The following GPHN variants were observed in gnomAD, a reference collection of about 807,000 sequenced individuals.
GPHN encodes gephyrin.
In GPHN, 17 loss-of-function variants were observed where a neutral mutation model predicts 95.5. The observed-to-expected ratio is 0.18, with a 90% CI of 0.12 to 0.27. GPHN has a LOEUF of 0.27. Among genes scored for constraint, GPHN ranks in the 10% least tolerant of loss-of-function variants. The pLI is 1.00. For missense variants in GPHN, 660 were observed against 978.1 expected (o/e 0.67, Z 4.34); for synonymous variants, 320 against 322.5 (o/e 0.99, Z 0.08).
chr14:67,022,568 GGT>G (rs72312422), intron 9 of GPHN, among the ~76,000 whole-genome samples: 886 of 20,844 alleles, frequency 0.043, 18 homozygotes, highest in African/African-American at 0.091. Flanking sequence ...TTTTTTTTTT[GGT>G]GTGTGTGTGT....
At chr14:66,873,155 T>C (rs1164140645) in intron 4 of GPHN, among the ~76,000 whole-genome samples, 1 of 152,132 alleles carries the variant, frequency 6.6e-6, no homozygotes, top group Non-Finnish European at 1.5e-5. Context: ...AGGCATTGCC[T>C]CACACAGGAA....
the GPHN span, among the ~76,000 whole-genome samples, chr14:67,710,360 CA>C: frequency 6.6e-6 from 1 of 152,082 alleles, no homozygotes; most frequent in African/African-American, 2.4e-5. Flanking sequence ...CTAAGCAAAC[CA>C]AAACTTAATA....
intron 1 of GPHN, among the ~76,000 whole-genome samples, chr14:66,544,795 G>C (rs1452539919): frequency 2.0e-5 from 3 of 151,318 alleles, no homozygotes; most frequent in Non-Finnish European, 4.4e-5. Context: ...TGACTCTTAA[G>C]GAGCATGCTG....
At chr14:67,733,119 A>C in the GPHN span, among the ~76,000 whole-genome samples, 2 of 128,442 alleles carry the variant, frequency 1.6e-5, no homozygotes, top group African/African-American at 5.3e-5. Context: ...CTTAAAGTAT[A>C]ATAATAATAA....
At chr14:67,199,977 G>C in the GPHN span, 3 of 1,150,728 alleles carry the variant, frequency 2.6e-6, no homozygotes, top group Admixed American at 8.5e-5. Flanking sequence ...ATCCAGGGAT[G>C]TCTCAGATGC....
chr14:66,871,399 C>T, intron 4 of GPHN, among the ~76,000 whole-genome samples: 2 of 152,138 alleles, frequency 1.3e-5, no homozygotes, highest in East Asian at 3.8e-4. Context: ...ATAACTTTTT[C>T]AAGCAAGTAA....
chr14:66,775,016 T>G (rs1193858749), intron 2 of GPHN, among the ~76,000 whole-genome samples: 1 of 151,350 alleles, frequency 6.6e-6, no homozygotes, highest in East Asian at 1.9e-4. Context: ...TATACGTTCT[T>G]TTTTTTTTCT....
chr14:67,025,260 T>G (rs569366268), intron 10 of GPHN, among the ~76,000 whole-genome samples: 1 of 152,332 alleles, frequency 6.6e-6, no homozygotes, highest in South Asian at 2.1e-4. Flanking sequence ...TTTGTCTCTG[T>G]CTGTCCTTGT....
At chr14:67,345,974 T>C in the GPHN span, 1 of 726,252 alleles carries the variant, frequency 1.4e-6, no homozygotes, top group Non-Finnish European at 2.3e-6. Flanking sequence ...TATGGAAAGA[T>C]GAATTCACTA....
intron 5 of GPHN, among the ~76,000 whole-genome samples, chr14:66,884,818 G>GTATA (rs34476314): frequency 0.053 from 7,713 of 144,884 alleles, 289 homozygotes; most frequent in Middle Eastern, 0.097. Context: ...ATGTGTGTGT[G>GTATA]TATATATATA....
the GPHN span, among the ~76,000 whole-genome samples, chr14:67,468,920 A>T: frequency 0.48 from 68,815 of 143,958 alleles, 16,675 homozygotes; most frequent in African/African-American, 0.66. Context: ...AATTTTTTTT[A>T]AAAAAAAAAG....
chr14:66,762,078 A>G (rs1328457797), intron 2 of GPHN, among the ~76,000 whole-genome samples: 1 of 152,058 alleles, frequency 6.6e-6, no homozygotes, highest in East Asian at 1.9e-4. Context: ...TGGAAAGTAG[A>G]ATTTATGGGT....
the GPHN span, among the ~76,000 whole-genome samples, chr14:67,536,946 A>G: frequency 1.3e-5 from 2 of 151,516 alleles, no homozygotes; most frequent in Admixed American, 1.3e-4. Flanking sequence ...AGGCTGAGGC[A>G]GGAAAATTGT....
At chr14:66,657,232 T>C (rs1482246884) in intron 1 of GPHN, among the ~76,000 whole-genome samples, 3 of 152,212 alleles carry the variant, frequency 2.0e-5, no homozygotes, top group African/African-American at 7.2e-5. Context: ...TCTTCAGCCC[T>C]ACAAAGGCTA....
the GPHN span, among the ~76,000 whole-genome samples, chr14:67,193,475 C>A: frequency 1.4e-5 from 2 of 137,992 alleles, no homozygotes; most frequent in African/African-American, 5.3e-5. Context: ...ATCTAGATAT[C>A]TAGATACAGA....
intron 11 of GPHN, among the ~76,000 whole-genome samples, chr14:67,086,450 G>C (rs1035032110): frequency 1.3e-5 from 2 of 151,832 alleles, no homozygotes; most frequent in South Asian, 4.2e-4. Flanking sequence ...AGGAGATCGA[G>C]ACCATCCTGG....
intron 1 of GPHN, among the ~76,000 whole-genome samples, chr14:66,635,446 T>A (rs2064044725): frequency 6.6e-6 from 1 of 152,176 alleles, no homozygotes; most frequent in Non-Finnish European, 1.5e-5. Flanking sequence ...TCCAAATAGT[T>A]TAACTTCATT....
chr14:66,703,963 CAAAA>C (rs147557933), intron 2 of GPHN, among the ~76,000 whole-genome samples: 44,997 of 110,574 alleles, frequency 0.41, 10,493 homozygotes, highest in African/African-American at 0.67. Flanking sequence ...AATGGAAAGC[CAAAA>C]AAAAAAAGAA....
chr14:67,579,589 G>T, the GPHN span: 1 of 895,744 alleles, frequency 1.1e-6, no homozygotes. Context: ...TGTGAACACA[G>T]AAACCAACTT....
Sources: gnomAD v4.1 joint callset for allele counts (sites outside exome capture counted in the v4.1 genomes callset) on GRCh38, gnomAD v4.1.1 for gene constraint, MANE v1.5 for transcripts, NCBI Gene and HGNC (gene_info 2026-07-23, HGNC 2026-07-21) for gene names.